GRHL2: variants seen among roughly 807,000 people sequenced by gnomAD.
The protein encoded by GRHL2 is grainyhead-like protein 2 homolog.
GRHL2 carries 21 observed loss-of-function variants against 83.8 expected under a neutral mutation model. The observed-to-expected ratio is 0.25, with a 90% CI of 0.18 to 0.36. The LOEUF is 0.36. GRHL2 is among the 10% of genes least tolerant of loss of function. The pLI is 1.00. For missense variants in GRHL2, 623 were observed against 781.8 expected (o/e 0.80, Z 2.42); for synonymous variants, 280 against 278.9 (o/e 1.00, Z -0.04).
At chr8:101,500,414 T>C (rs1810202349) in intron 1 of GRHL2, among the ~76,000 whole-genome samples, 1 of 152,244 alleles carries the variant, frequency 6.6e-6, no homozygotes, top group South Asian at 2.1e-4. Flanking sequence ...ATCAGTTTTG[T>C]TTATTTTTCC....
chr8:101,639,256 A>G (rs1292266633), intron 12 of GRHL2, among the ~76,000 whole-genome samples: 3 of 152,186 alleles, frequency 2.0e-5, no homozygotes, highest in Non-Finnish European at 4.4e-5. Flanking sequence ...TTGCTCTTAC[A>G]CATCTCACTA....
intron 14 of GRHL2, among the ~76,000 whole-genome samples, chr8:101,659,382 T>G (rs1026502326): frequency 1.3e-5 from 2 of 152,208 alleles, no homozygotes; most frequent in African/African-American, 2.4e-5. Context: ...ATATATATAC[T>G]GTTTGGGCAT....
intron 7 of GRHL2, among the ~76,000 whole-genome samples, chr8:101,595,370 A>G (rs1036195890): frequency 5.9e-5 from 9 of 152,234 alleles, no homozygotes; most frequent in African/African-American, 1.9e-4. Flanking sequence ...GTTGTAACTC[A>G]TGAGAGCTAG....
chr8:101,675,854 A>C, the GRHL2 span, among the ~76,000 whole-genome samples: 1 of 152,192 alleles, frequency 6.6e-6, no homozygotes, highest in South Asian at 2.1e-4. Context: ...ACTGGTACCA[A>C]AACAGAGATA....
At chr8:101,662,269 G>A (rs1813937744) in intron 14 of GRHL2, among the ~76,000 whole-genome samples, 1 of 152,178 alleles carries the variant, frequency 6.6e-6, no homozygotes, top group South Asian at 2.1e-4. Context: ...TTTGGCTCAG[G>A]TGTGACTGTG....
At chr8:101,529,795 G>A (rs1199830926) in intron 1 of GRHL2, among the ~76,000 whole-genome samples, 2 of 152,184 alleles carry the variant, frequency 1.3e-5, no homozygotes, top group African/African-American at 4.8e-5. Context: ...CCCTGGCAGG[G>A]GGCCGCTCTC....
At chr8:101,571,189 G>A (rs1279348795) in intron 5 of GRHL2, among the ~76,000 whole-genome samples, 1 of 152,202 alleles carries the variant, frequency 6.6e-6, no homozygotes, top group East Asian at 1.9e-4. Flanking sequence ...GCACATGTGT[G>A]TGGGAGTAGG....
At chr8:101,537,542 G>A (rs772250416) in intron 1 of GRHL2, among the ~76,000 whole-genome samples, 84 of 152,254 alleles carry the variant, frequency 5.5e-4, no homozygotes, top group Middle Eastern at 3.4e-3. Flanking sequence ...TCTATGGAGC[G>A]TACTACTACT....
rs118171235 is a variant in GRHL2, at chr8:101,573,945, G to T, written c.891+121G>T. 2,227 of 1,151,114 alleles carry T rather than the reference G, an allele frequency of 1.9e-3. 34 individuals carry two copies. In the East Asian group the frequency reaches 0.045, roughly 23 times the overall value. 71.3% of individuals were successfully genotyped at this position (1,151,114 alleles called of 1,614,324 possible). On this transcript the variant is annotated intron_variant, in intron 6 of 15. Coordinates refer to ENST00000646743, the MANE Select transcript of GRHL2 (RefSeq NM_024915.4). ...CCTTCAACATAAATAATTCTAGAAC[G>T]AATGTCAGAGAGTTGGGGCAAGAGC...
intron 7 of GRHL2, among the ~76,000 whole-genome samples, chr8:101,584,634 T>C (rs966595985): frequency 7.2e-5 from 11 of 152,252 alleles, no homozygotes; most frequent in African/African-American, 2.4e-4. Context: ...TAGAGGAAGC[T>C]GGCTTTGGAT....
chr8:101,591,540 C>T (rs533248779), intron 7 of GRHL2, among the ~76,000 whole-genome samples: 1 of 152,298 alleles, frequency 6.6e-6, no homozygotes, highest in African/African-American at 2.4e-5. Flanking sequence ...CATTGTAGGA[C>T]ATACTATGAT....
chr8:101,587,365 C>G (rs1703576784), intron 7 of GRHL2, among the ~76,000 whole-genome samples: 1 of 152,132 alleles, frequency 6.6e-6, no homozygotes, highest in Admixed American at 6.5e-5. Flanking sequence ...GTAAAGCTGT[C>G]CTATAGAGAT....
intron 8 of GRHL2, among the ~76,000 whole-genome samples, chr8:101,618,808 A>G (rs749994353): frequency 3.3e-5 from 5 of 152,158 alleles, no homozygotes; most frequent in Non-Finnish European, 5.9e-5. Context: ...ACTAGTTTCA[A>G]TGCAATAATG....
At chr8:101,497,509 G>A (rs1322290409) in intron 1 of GRHL2, among the ~76,000 whole-genome samples, 1 of 152,196 alleles carries the variant, frequency 6.6e-6, no homozygotes, top group East Asian at 1.9e-4. Context: ...AAAACAAGTT[G>A]TAGATGATGC....
chr8:101,553,665 G>A (rs1469930870), intron 3 of GRHL2, among the ~76,000 whole-genome samples: 1 of 125,606 alleles, frequency 8.0e-6, no homozygotes, highest in African/African-American at 3.1e-5. Flanking sequence ...GTCTCGCTCT[G>A]TCACCAGGCT....
chr8:101,600,031 T>C (rs1459424813), intron 8 of GRHL2, among the ~76,000 whole-genome samples: 2 of 152,182 alleles, frequency 1.3e-5, no homozygotes, highest in African/African-American at 4.8e-5. Context: ...AAAAGGTCAA[T>C]GTACACTGCT....
rs1296924471 is a variant in GRHL2 at position 101,573,805 on chromosome 8, A to G, written c.872A>G (p.His291Arg). The G allele has an allele frequency of 6.2e-7, 1 of 1,614,046 alleles. No individual in the cohort carries two copies. Among genetic ancestry groups the G allele is most frequent in the East Asian group, 2.2e-5 (1 of 44,894 alleles). Residue 291 changes from histidine to arginine, a missense_variant, in exon 6 of 16, where the codon CAC becomes CGC. Transcript: ENST00000646743. ...ACCGGAGACAACAAATGCTTCCGAC[A>G]CCCCATCAGCAAAGTCAGGGTAGGG... ...SETGDNKCFR[H>R]PISKVRSVVM... is the part of the protein sequence containing the mutation.
chr8:101,586,746 G>C (rs1812179510), intron 7 of GRHL2, among the ~76,000 whole-genome samples: 1 of 152,180 alleles, frequency 6.6e-6, no homozygotes, highest in Non-Finnish European at 1.5e-5. Flanking sequence ...ACACTGCCAT[G>C]TGTGGTTTTG....
At chr8:101,508,468 G>A (rs1241499795) in intron 1 of GRHL2, among the ~76,000 whole-genome samples, 1 of 148,496 alleles carries the variant, frequency 6.7e-6, no homozygotes, top group African/African-American at 2.5e-5. Flanking sequence ...GATCTTGAAA[G>A]TGCTTAGGGT....
Sources: allele counts gnomAD v4.1 joint callset (sites outside exome capture counted in the v4.1 genomes callset), GRCh38; gene constraint gnomAD v4.1.1; transcripts MANE v1.5; gene names NCBI Gene and HGNC (gene_info 2026-07-23, HGNC 2026-07-21).